The following MID2 variants were observed in gnomAD, a reference collection of about 807,000 sequenced individuals.
MID2 encodes probable E3 ubiquitin-protein ligase MID2.
Under a neutral mutation model 46.1 loss-of-function variants are expected in MID2, and 13 were observed. That is an observed-to-expected ratio of 0.28 (90% CI 0.18 to 0.45). The LOEUF is 0.45. Among genes scored for constraint, MID2 ranks in the 20% least tolerant of loss-of-function variants. The pLI, the probability that MID2 is intolerant of heterozygous loss-of-function variation, is 1.00. For synonymous variants in MID2, 199 were observed against 212.3 expected, an observed-to-expected ratio of 0.94 and a Z score of 0.55; for missense variants, 431 against 575.4, an observed-to-expected ratio of 0.75 and a Z score of 2.57.
rs34434823 is a variant in MID2, at chrX:107,845,039, T to A, written c.720+3654T>A. On this transcript the variant is annotated intron_variant, in intron 2 of 9. Transcript: ENST00000262843. Reference sequence around the variant, plus strand: ...CCTATAGCTTGCTTTGGATCTCATCTAAGAAGATATAAATCTGTCTTGCCA... The same window carrying A: ...CCTATAGCTTGCTTTGGATCTCATCAAAGAAGATATAAATCTGTCTTGCCA... 6.0e-3 allele frequency among the ~76,000 whole-genome samples: 666 copies of A among 111,480 alleles called. 8 individuals are homozygous for A. Among genetic ancestry groups the A allele is most frequent in the African/African-American group, 0.02 (625 of 30,678 alleles).
chrX:107,853,141 C>G (rs7066710), intron 2 of MID2, among the ~76,000 whole-genome samples: 7,849 of 110,852 alleles, frequency 0.071, 719 homozygotes, highest in African/African-American at 0.24. Flanking sequence ...TTTCACATAA[C>G]GAATGGGAAA....
chrX:107,835,256 A>G (rs934643317), intron 1 of MID2, among the ~76,000 whole-genome samples: 4 of 112,135 alleles, frequency 3.6e-5, no homozygotes, highest in Non-Finnish European at 7.5e-5. Context: ...CTATCCTTTC[A>G]TCAGTTGATG....
intron 3 of MID2, among the ~76,000 whole-genome samples, chrX:107,879,203 C>G (rs1252936602): frequency 8.9e-6 from 1 of 111,922 alleles, no homozygotes; most frequent in African/African-American, 3.2e-5. Context: ...GTTAACAGCT[C>G]AGTGGAGGGT....
At chrX:107,865,758 C>A (rs111591969) in intron 3 of MID2, among the ~76,000 whole-genome samples, 1 of 112,699 alleles carries the variant, frequency 8.9e-6, no homozygotes, top group African/African-American at 3.2e-5. Flanking sequence ...AGGCACAAAA[C>A]AATCACTGGC....
chrX:107,867,673 T>C (rs1931987165), intron 3 of MID2, among the ~76,000 whole-genome samples: 1 of 110,791 alleles, frequency 9.0e-6, no homozygotes. Context: ...TAAGGGAAGA[T>C]GATAGAAAAG....
intron 3 of MID2, among the ~76,000 whole-genome samples, chrX:107,884,809 A>T (rs1932412133): frequency 8.9e-6 from 1 of 111,919 alleles, no homozygotes; most frequent in African/African-American, 3.2e-5. Flanking sequence ...TATGACTTTG[A>T]TAATTTACTT....
chrX:107,875,698 G>A (rs1036641207), intron 3 of MID2, among the ~76,000 whole-genome samples: 4 of 111,708 alleles, frequency 3.6e-5, no homozygotes, highest in Non-Finnish European at 5.6e-5. Flanking sequence ...AATTAGAAAG[G>A]CATGGGTGAA....
At chrX:107,846,173 G>A (rs1931472148) in intron 2 of MID2, among the ~76,000 whole-genome samples, 1 of 111,211 alleles carries the variant, frequency 9.0e-6, no homozygotes. Context: ...AACCCATCCT[G>A]AGGCTAAGGA....
chrX:107,925,383 C>T (rs962204736), intron 8 of MID2, among the ~76,000 whole-genome samples: 3 of 112,059 alleles, frequency 2.7e-5, no homozygotes, highest in Admixed American at 1.9e-4. Flanking sequence ...TCTTGCCACA[C>T]CCAGCAACTG....
chrX:107,842,329 A>G (rs1021049423), intron 2 of MID2, among the ~76,000 whole-genome samples: 5 of 112,393 alleles, frequency 4.4e-5, no homozygotes, highest in Admixed American at 2.8e-4. Flanking sequence ...TTTTATTCCC[A>G]TTGCTTGTCT....
chrX:107,908,848 C>A (rs1262627693), intron 5 of MID2, among the ~76,000 whole-genome samples: 1 of 111,362 alleles, frequency 9.0e-6, no homozygotes. Flanking sequence ...GGCAACAGGA[C>A]AATGTCTTGT....
At chrX:107,887,991 T>G (rs1932500877) in intron 3 of MID2, among the ~76,000 whole-genome samples, 1 of 112,051 alleles carries the variant, frequency 8.9e-6, no homozygotes, top group Admixed American at 9.4e-5. Context: ...CATTTTTTAT[T>G]GCATCTATTT....
intron 1 of MID2, among the ~76,000 whole-genome samples, chrX:107,833,622 C>T (rs1931141592): frequency 9.1e-6 from 1 of 109,566 alleles, no homozygotes; most frequent in Non-Finnish European, 1.9e-5. Flanking sequence ...ATTAAGTGGG[C>T]ATTTAATTAT....
chrX:107,912,702 T>A (rs895242835), intron 5 of MID2, among the ~76,000 whole-genome samples: 1 of 111,635 alleles, frequency 9.0e-6, no homozygotes, highest in Non-Finnish European at 1.9e-5. Context: ...AGGGCTTCAA[T>A]TACCATCTAG....
intron 3 of MID2, among the ~76,000 whole-genome samples, chrX:107,888,427 G>A (rs1986557610): frequency 8.9e-6 from 1 of 112,134 alleles, no homozygotes; most frequent in South Asian, 3.7e-4. Flanking sequence ...CCATGTAGTT[G>A]AGCGGTTTTG....
intron 1 of MID2, among the ~76,000 whole-genome samples, chrX:107,836,941 A>T (rs1569461568): frequency 8.9e-6 from 1 of 112,212 alleles, no homozygotes; most frequent in Non-Finnish European, 1.9e-5. Flanking sequence ...TAGAGTACTA[A>T]TGATTGGGTT....
chrX:107,864,996 A>G (rs902680982), intron 3 of MID2, among the ~76,000 whole-genome samples: 2 of 112,334 alleles, frequency 1.8e-5, no homozygotes, highest in African/African-American at 6.5e-5. Flanking sequence ...AATCCACACA[A>G]TAACCCAATG....
chrX:107,840,321 G>C (rs1368971179), intron 1 of MID2, among the ~76,000 whole-genome samples: 1 of 112,092 alleles, frequency 8.9e-6, no homozygotes, highest in Non-Finnish European at 1.9e-5. Context: ...ATTTTGCAGG[G>C]TCTCAGCCTT....
At chrX:107,854,093 G>A (rs891350752) in intron 2 of MID2, among the ~76,000 whole-genome samples, 4 of 111,822 alleles carry the variant, frequency 3.6e-5, no homozygotes, top group Admixed American at 9.5e-5. Flanking sequence ...AGTAATATGC[G>A]TTCAGTATGC....
Sources: gnomAD v4.1 joint callset for allele counts (sites outside exome capture counted in the v4.1 genomes callset) on GRCh38, gnomAD v4.1.1 for gene constraint, MANE v1.5 for transcripts, NCBI Gene and HGNC (gene_info 2026-07-23, HGNC 2026-07-21) for gene names.